The following TRPM4 variants were observed in gnomAD, a reference collection of about 807,000 sequenced individuals.
TRPM4 encodes transient receptor potential cation channel subfamily M member 4.
TRPM4 carries 124 observed loss-of-function variants against 135.6 expected under a neutral mutation model. That is an observed-to-expected ratio of 0.91 (90% CI 0.79 to 1.06). The LOEUF (loss-of-function observed/expected upper bound fraction) is 1.06. TRPM4 is among the 50% of genes least tolerant of loss of function. TRPM4 has a pLI of 0.00. For synonymous variants in TRPM4, 745 were observed against 705.6 expected, an observed-to-expected ratio of 1.06 and a Z score of -0.88; for missense variants, 1,658 against 1,671.4, an observed-to-expected ratio of 0.99 and a Z score of 0.14.
chr19:49,171,507 G>A lies in TRPM4; in HGVS notation c.859-71G>A. ...CCTGAGTCTTAGGGAGGGTCTGGGG[G>A]TCTGACTCCGGGTAGGGTGAATATC... is the stretch of plus-strand genomic sequence containing the variant. On this transcript the variant is annotated intron_variant, in intron 7 of 24. Transcript: ENST00000252826. This position sits in a 1 kb window ranked among gnomAD's most constrained non-coding sequence, Gnocchi z 4.7. 2 of 1,611,762 alleles carry A rather than the reference G, an allele frequency of 1.2e-6. No homozygotes were observed. The highest frequency in any genetic ancestry group is 1.7e-6 in the Non-Finnish European group (2 of 1,178,054).
intron 9 of TRPM4, among the ~76,000 whole-genome samples, chr19:49,174,192 G>A (rs1013158320): frequency 4.6e-5 from 7 of 151,848 alleles, no homozygotes; most frequent in Non-Finnish European, 8.8e-5. Context: ...TTGCTCTGTC[G>A]CCCAGGCTGG....
chr19:49,161,729 A>C (rs1966973999), intron 2 of TRPM4, among the ~76,000 whole-genome samples: 1 of 151,342 alleles, frequency 6.6e-6, no homozygotes, highest in African/African-American at 2.4e-5. Context: ...TCCTGGGTTC[A>C]AGCGATTCTC....
intron 3 of TRPM4, chr19:49,167,671 TG>T (rs1967268807): frequency 2.9e-6 from 1 of 343,966 alleles, no homozygotes; most frequent in African/African-American, 3.5e-5. Flanking sequence ...CCCATGTCTC[TG>T]GGTCTCTGTC....
chr19:49,183,260 G>T, intron 12 of TRPM4, 48 bp downstream of exon 12: 1 of 1,612,502 alleles, frequency 6.2e-7, no homozygotes. Flanking sequence ...TAGGCCACTG[G>T]ATGCCAGTGT....
chr19:49,172,866 A>T (rs1414262839), intron 9 of TRPM4, among the ~76,000 whole-genome samples: 2 of 143,328 alleles, frequency 1.4e-5, no homozygotes, highest in African/African-American at 5.4e-5. Flanking sequence ...GTCCATCCAC[A>T]CATCCACTGA....
chr19:49,174,530 G>A lies in TRPM4; in HGVS notation c.1150+2422G>A, dbSNP rs1407392543. Among the ~76,000 whole-genome samples, 4 of 151,944 alleles carry A rather than the reference G, an allele frequency of 2.6e-5. No individual in the cohort carries two copies. The East Asian group carries it at 7.9e-4, about 30-fold the overall frequency. Reference sequence around the variant, plus strand: ...AATTTCAGCACTTTGGGAGGCTGAGGAGGGAAGATCGCTTGAGCCCAGGAG... The same window carrying A: ...AATTTCAGCACTTTGGGAGGCTGAGAAGGGAAGATCGCTTGAGCCCAGGAG... On this transcript the variant is annotated intron_variant, in intron 9 of 24. Transcript: ENST00000252826.
chr19:49,187,885 T>A (rs1311027458), intron 12 of TRPM4, among the ~76,000 whole-genome samples: 1 of 152,008 alleles, frequency 6.6e-6, no homozygotes, highest in Non-Finnish European at 1.5e-5. Flanking sequence ...TGTTCCTGGG[T>A]GGGATGGCAG....
intron 18 of TRPM4, 87 bp from the exon 19 acceptor site, chr19:49,200,524 G>A (rs1968880573): frequency 1.3e-6 from 2 of 1,594,042 alleles, no homozygotes; most frequent in African/African-American, 2.7e-5. Context: ...GCGTGACTTT[G>A]GGGAGCAATG....
chr19:49,200,060 T>C (rs545536723), intron 17 of TRPM4, among the ~76,000 whole-genome samples: 1 of 152,324 alleles, frequency 6.6e-6, no homozygotes, highest in African/African-American at 2.4e-5. Flanking sequence ...AGCTCTTTGC[T>C]AAGGCCATCG....
rs1338104798 is a variant in TRPM4, at chr19:49,203,898, C to T, written c.3131+1757C>T. ...ATCCCAGCACTTTGGGAGGCCTAGG[C>T]GGGTGGATCACCTGAGGTCAGGAGT... On this transcript the variant is annotated intron_variant, in intron 20 of 24. Transcript: ENST00000252826. Among the ~76,000 whole-genome samples the T allele has an allele frequency of 2.6e-5, 4 of 151,730 alleles. No homozygotes were observed. The East Asian group carries it at 5.8e-4, about 22-fold the overall frequency.
chr19:49,165,678 C>T (rs977823497), intron 2 of TRPM4, among the ~76,000 whole-genome samples: 1 of 152,166 alleles, frequency 6.6e-6, no homozygotes, highest in Admixed American at 6.5e-5. Context: ...CTGAGTTACC[C>T]GCTGGATGTT....
intron 2 of TRPM4, chr19:49,159,494 T>C (rs1568451612): frequency 6.6e-6 from 1 of 151,610 alleles, no homozygotes. Context: ...TTGTTTTTTG[T>C]TTTTTTGAGA....
chr19:49,209,464 T>G (rs1969269302), intron 20 of TRPM4, among the ~76,000 whole-genome samples: 1 of 152,198 alleles, frequency 6.6e-6, no homozygotes, highest in Admixed American at 6.6e-5. Flanking sequence ...AGATTTTCTG[T>G]TTTTTCTTGA....
Position 49,210,861 on chromosome 19 carries a change from C to A in TRPM4, c.3461+19C>A, listed in dbSNP as rs1417297708. On this transcript the variant is annotated intron_variant, in intron 22 of 24. Coordinates refer to ENST00000252826, the MANE Select transcript of TRPM4 (RefSeq NM_017636.4). The surrounding 1 kb of genome is among the most constrained non-coding windows in gnomAD (Gnocchi z 4.1). ...CCCAGAAGTGAGAGCGGGGCCTGGTCGGGGATGGGGCTTCTGGCCTGGGGC... is the reference window on the plus strand; with the variant it reads ...CCCAGAAGTGAGAGCGGGGCCTGGTAGGGGATGGGGCTTCTGGCCTGGGGC... The A allele has an allele frequency of 1.3e-6, 2 of 1,543,744 alleles. No homozygotes were observed. The highest frequency in any genetic ancestry group is 1.8e-6 in the Non-Finnish European group (2 of 1,140,998).
In TRPM4 at chr19:49,181,231, T is replaced by C. The variant is rs1967908001; in HGVS notation, c.1151-118T>C. ...TTTAAGACCCCCACACTCTGCCCAG[T>C]AGCAACCCCTTTATGCAGAGTTTAA... On this transcript the variant is annotated intron_variant, in intron 9 of 24. Transcript: ENST00000252826. 8 of 780,226 alleles carry C rather than the reference T, an allele frequency of 1.0e-5. No homozygotes were observed. In the South Asian group the frequency reaches 1.1e-4, roughly 11 times the overall value. The allele number at this position is 780,226 out of a possible 1,614,324, so 48.3% of individuals were successfully genotyped here.
chr19:49,173,788 G>A (rs1967564974), intron 9 of TRPM4, among the ~76,000 whole-genome samples: 1 of 151,784 alleles, frequency 6.6e-6, no homozygotes, highest in African/African-American at 2.4e-5. Flanking sequence ...CTTCCAAGTA[G>A]CTGGGAACAT....
Position 49,183,168 on chromosome 19 carries a change from C to T in TRPM4, c.1699C>T (p.Leu567=). The change falls in exon 12 of 25, where the codon CTG becomes TTG. Residue 567 remains leucine, a synonymous_variant. Transcript: ENST00000252826. ...CTGGAGCGACCTGCTTCTTTGGGCA[C>T]TGTTGCTGAACAGGGCACAGATGGC... is the stretch of plus-strand genomic sequence containing the variant. ...APWSDLLLWA[L]LLNRAQMAMY... The T allele has an allele frequency of 6.2e-7, 1 of 1,614,152 alleles. No individual in the cohort carries two copies. The highest frequency in any genetic ancestry group is 1.1e-5 in the South Asian group (1 of 91,080).
chr19:49,188,966 C>G lies in TRPM4; in HGVS notation c.1894C>G (p.Arg632Gly), dbSNP rs1287233315. ...CCCAGACCTCTTTGGCGAGTGCTATCGCAGCAGTGAGGTGAGGGCTGCCCG... is the reference window on the plus strand; with the variant it reads ...CCCAGACCTCTTTGGCGAGTGCTATGGCAGCAGTGAGGTGAGGGCTGCCCG... ...MGVDLFGECY[R>G]SSEVRAARLL... Residue 632 changes from arginine (R) to glycine (G), a missense_variant, in exon 14 of 25, where the codon CGC (arginine) becomes GGC (glycine). By Grantham distance (125) the Arg-to-Gly change is moderately radical. Transcript: ENST00000252826. 11 of 1,614,160 alleles carry G rather than the reference C, an allele frequency of 6.8e-6. No homozygotes were observed. Among genetic ancestry groups the G allele is most frequent in the Non-Finnish European group, 8.5e-6 (10 of 1,180,042 alleles).
chr19:49,200,831 C>G lies in TRPM4; in HGVS notation c.2953+46C>G, dbSNP rs201495545. On this transcript the variant is annotated intron_variant, in intron 19 of 24. Transcript: ENST00000252826. ...ACAGCCTTCCTCTGAGTCTCTGTCCCCGCTCCCTGGGTCTCTGTCCTCCTG... is the reference window on the plus strand; with the variant it reads ...ACAGCCTTCCTCTGAGTCTCTGTCCGCGCTCCCTGGGTCTCTGTCCTCCTG... 1.6e-3 allele frequency: 2,577 copies of G among 1,600,620 alleles called. 25 individuals carry two copies. The highest frequency in any genetic ancestry group is 0.013 in the South Asian group (1,130 of 90,046).
Sources: allele counts gnomAD v4.1 joint callset (sites outside exome capture counted in the v4.1 genomes callset), GRCh38; gene constraint gnomAD v4.1.1; non-coding constraint Gnocchi (gnomAD v3.1); transcripts MANE v1.5; gene names NCBI Gene and HGNC (gene_info 2026-07-23, HGNC 2026-07-21).